ABCG2: variants seen among roughly 807,000 people sequenced by gnomAD.
ABCG2 encodes the protein ATP binding cassette subfamily G member 2 (JR blood group), also known as broad substrate specificity ATP-binding cassette transporter ABCG2.
ABCG2 carries 80 observed loss-of-function variants against 73.5 expected under a neutral mutation model. That is an observed-to-expected ratio of 1.09 (90% CI 0.91 to 1.31). The LOEUF (loss-of-function observed/expected upper bound fraction) is 1.31. ABCG2 is among the 50% of genes most tolerant of loss of function. ABCG2 has a pLI of 0.00. For missense variants in ABCG2, 796 were observed against 786.2 expected (o/e 1.01, Z -0.15); for synonymous variants, 269 against 282.4 (o/e 0.95, Z 0.48).
At chr4:88,150,429 G>A (rs1292173276) in intron 1 of ABCG2, among the ~76,000 whole-genome samples, 1 of 152,212 alleles carries the variant, frequency 6.6e-6, no homozygotes, top group Non-Finnish European at 1.5e-5. Flanking sequence ...CTGAAGCAGA[G>A]TGAGGGAGGA....
intron 4 of ABCG2, 78 bp from the exon 5 acceptor site, chr4:88,131,291 C>T: frequency 2.8e-6 from 4 of 1,414,080 alleles, no homozygotes; most frequent in Non-Finnish European, 3.9e-6. Flanking sequence ...GTATACATAA[C>T]ATAATCCACA....
chr4:88,098,511 A>G (rs1722140225), intron 12 of ABCG2, among the ~76,000 whole-genome samples: 1 of 151,362 alleles, frequency 6.6e-6, no homozygotes, highest in Admixed American at 6.6e-5. Flanking sequence ...GATGGGTAAT[A>G]TATATTAAAT....
chr4:88,169,727 C>T (rs1195929972), intron 1 of ABCG2, among the ~76,000 whole-genome samples: 1 of 152,062 alleles, frequency 6.6e-6, no homozygotes, highest in Non-Finnish European at 1.5e-5. Context: ...CCGTTTCTTC[C>T]TCAAGCAGAT....
At chr4:88,199,455 G>A (rs1015132335) in intron 1 of ABCG2, among the ~76,000 whole-genome samples, 1 of 152,110 alleles carries the variant, frequency 6.6e-6, no homozygotes, top group Non-Finnish European at 1.5e-5. Flanking sequence ...TGAAGTCAGA[G>A]GGGAAAAATA....
chr4:88,154,870 G>A (rs1261525974), intron 1 of ABCG2, among the ~76,000 whole-genome samples: 1 of 152,206 alleles, frequency 6.6e-6, no homozygotes, highest in Non-Finnish European at 1.5e-5. Flanking sequence ...CATAGTTTGT[G>A]ATTTTGAGGG....
At chr4:88,173,040 T>C (rs898686870) in intron 1 of ABCG2, among the ~76,000 whole-genome samples, 1 of 152,216 alleles carries the variant, frequency 6.6e-6, no homozygotes, top group African/African-American at 2.4e-5. Context: ...AAGCAGTTTT[T>C]AACACATTAA....
chr4:88,142,973 T>C lies in ABCG2; in HGVS notation c.-19-2959A>G, dbSNP rs149129138. 7.9e-5 allele frequency among the ~76,000 whole-genome samples: 12 copies of C among 152,178 alleles called. No individual in the cohort carries two copies. In the East Asian group the frequency reaches 2.1e-3, roughly 27 times the overall value. On this transcript the variant is annotated intron_variant, in intron 1 of 15. Transcript: ENST00000237612. Reference sequence around the variant, plus strand: ...AAAAAAATTAATATTTAAAAATAAATATAAATGGATGGCTGTGCCTGTACA... The same window carrying C: ...AAAAAAATTAATATTTAAAAATAAACATAAATGGATGGCTGTGCCTGTACA...
chr4:88,180,355 C>T (rs1400323247), intron 1 of ABCG2, among the ~76,000 whole-genome samples: 1 of 152,082 alleles, frequency 6.6e-6, no homozygotes, highest in Admixed American at 6.6e-5. Context: ...AAAATAAAGA[C>T]TTCCCCAGAT....
At chr4:88,207,866 C>T (rs887228979) in intron 1 of ABCG2, among the ~76,000 whole-genome samples, 78 of 152,068 alleles carry the variant, frequency 5.1e-4, no homozygotes, top group African/African-American at 1.8e-3. Flanking sequence ...TTTCAATATC[C>T]CTGTCAGGGC....
intron 5 of ABCG2, among the ~76,000 whole-genome samples, chr4:88,122,066 G>A (rs1344915598): frequency 2.6e-5 from 4 of 152,056 alleles, no homozygotes; most frequent in Non-Finnish European, 5.9e-5. Flanking sequence ...AAGGGGTGGG[G>A]GAAGTCCCTC....
chr4:88,128,160 CAT>C (rs1412514108), intron 5 of ABCG2, among the ~76,000 whole-genome samples: 1 of 152,046 alleles, frequency 6.6e-6, no homozygotes, highest in African/African-American at 2.4e-5. Context: ...AGCCAGCAAA[CAT>C]ATGAAAAAAA....
In ABCG2 at chr4:88,095,374, G is replaced by A. The variant is rs1308637978; in HGVS notation, c.1737+146C>T. 7.2e-6 allele frequency: 5 copies of A among 695,710 alleles called. No homozygotes were observed. The Middle Eastern group carries it at 7.5e-4, about 105-fold the overall frequency. The allele number at this position is 695,710 out of a possible 1,614,324, so 43.1% of individuals were successfully genotyped here. On this transcript the variant is annotated intron_variant, in intron 14 of 15. Coordinates refer to ENST00000237612, the MANE Select transcript of ABCG2 (RefSeq NM_004827.3). ...AGCCTTGTGTTAACCAAGGCTAACA[G>A]GAAATTCTCATTCCTTGCTCCTAAA...
chr4:88,152,494 T>C (rs1726570912), intron 1 of ABCG2, among the ~76,000 whole-genome samples: 1 of 152,076 alleles, frequency 6.6e-6, no homozygotes, highest in Non-Finnish European at 1.5e-5. Flanking sequence ...AGGGGGTTTG[T>C]TCTCTGGTGG....
At chr4:88,120,168 C>G (rs1480207971) in intron 6 of ABCG2, among the ~76,000 whole-genome samples, 1 of 152,152 alleles carries the variant, frequency 6.6e-6, no homozygotes, top group Admixed American at 6.6e-5. Context: ...GTTAGGCCTG[C>G]CCTTCACCTA....
At chr4:88,192,564 C>T (rs532892565) in intron 1 of ABCG2, among the ~76,000 whole-genome samples, 14 of 151,614 alleles carry the variant, frequency 9.2e-5, no homozygotes, top group East Asian at 1.9e-4. Context: ...GAATTATAGG[C>T]GCCCACCACC....
intron 1 of ABCG2, among the ~76,000 whole-genome samples, chr4:88,224,071 T>TG (rs1293567472): frequency 2.6e-5 from 4 of 152,216 alleles, no homozygotes; most frequent in Admixed American, 6.5e-5. Flanking sequence ...TGTTAAGCTG[T>TG]AGGAGTTCTT....
intron 1 of ABCG2, among the ~76,000 whole-genome samples, chr4:88,182,824 G>A (rs1032115212): frequency 1.3e-5 from 2 of 152,034 alleles, no homozygotes; most frequent in African/African-American, 2.4e-5. Context: ...GGTGGCTCAC[G>A]CCTGTAATCC....
rs752536657 is a variant in ABCG2 at position 88,095,651 on chromosome 4, T to A, written c.1648-42A>T. On this transcript the variant is annotated intron_variant, in intron 13 of 15. Transcript: ENST00000237612. ...CTAAAAGTCAGGCCTGCTTGAGTAA[T>A]TTCATGCAGAATTCTAGAGAATACC... The A allele has an allele frequency of 4.0e-6, 6 of 1,499,074 alleles. No individual in the cohort carries two copies. The East Asian group carries it at 1.4e-4, about 34-fold the overall frequency. 92.9% of individuals were successfully genotyped at this position (1,499,074 alleles called of 1,614,324 possible). A position where few individuals can be genotyped will look rare whatever the true frequency, so the allele number is the denominator to read the frequency against.
intron 1 of ABCG2, among the ~76,000 whole-genome samples, chr4:88,225,411 G>A (rs1048062728): frequency 1.8e-4 from 27 of 152,218 alleles, no homozygotes; most frequent in Admixed American, 1.7e-3. Context: ...CTTGGAGGAA[G>A]GCAATGTGAT....
Sources: allele counts gnomAD v4.1 joint callset (sites outside exome capture counted in the v4.1 genomes callset), GRCh38; gene constraint gnomAD v4.1.1; transcripts MANE v1.5; gene names NCBI Gene and HGNC (gene_info 2026-07-23, HGNC 2026-07-21).